Variants in PBRM1 observed in about 807,000 individuals in gnomAD.
PBRM1 encodes the protein polybromo 1, also known as protein polybromo-1.
In PBRM1, 27 loss-of-function variants were observed where a neutral mutation model predicts 194.5. The observed-to-expected ratio is 0.14, with a 90% CI of 0.10 to 0.19. The LOEUF (loss-of-function observed/expected upper bound fraction) is 0.19, where lower values mean the gene tolerates loss of function less well. Ranked by LOEUF, PBRM1 falls within the 10% of genes least tolerant of loss-of-function variation. The pLI is 1.00. For synonymous variants in PBRM1, 655 were observed against 693.2 expected (o/e 0.94, Z 0.87); for missense variants, 1,466 against 2,077.2 (o/e 0.71, Z 5.72).
intron 22 of PBRM1, among the ~76,000 whole-genome samples, chr3:52,576,057 A>AT (rs1461694531): frequency 3.3e-5 from 5 of 152,268 alleles, no homozygotes; most frequent in Non-Finnish European, 1.5e-5. Flanking sequence ...AGGAAAAAAA[A>AT]GGTAAAGAAA....
chr3:52,561,640 T>G (rs774151763), intron 25 of PBRM1, 127 bp downstream of exon 27: 1 of 827,842 alleles, frequency 1.2e-6, no homozygotes, highest in Admixed American at 1.8e-5. Context: ...TGGGTGCCAT[T>G]TGGAACAGTC....
intron 2 of PBRM1, among the ~76,000 whole-genome samples, chr3:52,675,816 T>C (rs1437839611): frequency 2.0e-5 from 3 of 151,906 alleles, no homozygotes; most frequent in East Asian, 1.9e-4. Flanking sequence ...GATACACACA[T>C]ATAAAGAATG....
chr3:52,675,042 G>A (rs982989491), intron 2 of PBRM1, among the ~76,000 whole-genome samples: 6 of 152,078 alleles, frequency 3.9e-5, no homozygotes, highest in African/African-American at 1.4e-4. Flanking sequence ...AAATCATAAA[G>A]AGGAGACATT....
chr3:52,677,722 G>A (rs926946277), intron 2 of PBRM1, among the ~76,000 whole-genome samples: 4 of 151,954 alleles, frequency 2.6e-5, no homozygotes, highest in African/African-American at 9.7e-5. Flanking sequence ...CTTGCACCTG[G>A]CTAATTTTTG....
chr3:52,672,479 GT>G (rs1201594534), intron 2 of PBRM1, among the ~76,000 whole-genome samples: 5 of 138,432 alleles, frequency 3.6e-5, no homozygotes, highest in African/African-American at 1.1e-4. Context: ...ATTTCCAGAG[GT>G]TTTTTTTTGG....
chr3:52,567,850 T>C (rs990470203), intron 22 of PBRM1, among the ~76,000 whole-genome samples: 2 of 148,754 alleles, frequency 1.3e-5, no homozygotes, highest in African/African-American at 5.0e-5. Context: ...GGTTTCACCA[T>C]GTTGGCCAGG....
downstream of PBRM1, chr3:52,546,740 A>G (rs1373502258): frequency 4.3e-6 from 1 of 233,004 alleles, no homozygotes; most frequent in African/African-American, 2.2e-5. Flanking sequence ...GCTGCCTTCA[A>G]ATGTTTATTG....
At chr3:52,684,165 C>A (rs2097266289), upstream of PBRM1, among the ~76,000 whole-genome samples, 1 of 43,208 alleles carries the variant, frequency 2.3e-5, no homozygotes, top group Non-Finnish European at 4.2e-5. Flanking sequence ...CAGACCTTGT[C>A]TCAAAAAAAA....
chr3:52,636,296 A>G, intron 10 of PBRM1, among the ~76,000 whole-genome samples: 1 of 152,196 alleles, frequency 6.6e-6, no homozygotes, highest in Admixed American at 6.6e-5. Flanking sequence ...CAAATCATAA[A>G]AACACCAAAG....
At chr3:52,649,959 A>T (rs1026469929) in intron 6 of PBRM1, among the ~76,000 whole-genome samples, 1 of 152,218 alleles carries the variant, frequency 6.6e-6, no homozygotes, top group African/African-American at 2.4e-5. Context: ...TAAAGATCTG[A>T]TTCAATTTCC....
chr3:52,635,556 A>T (rs1172044641), intron 10 of PBRM1, among the ~76,000 whole-genome samples: 1 of 152,060 alleles, frequency 6.6e-6, no homozygotes, highest in Non-Finnish European at 1.5e-5. Flanking sequence ...ACGGATGAAG[A>T]CTCCATCTCA....
chr3:52,685,566 G>A (rs1490450935), intron 1 of PBRM1, 183 bp downstream of exon 1: 1 of 151,230 alleles, frequency 6.6e-6, no homozygotes, highest in Non-Finnish European at 1.5e-5. Context: ...GTGCGACAAG[G>A]CTACTGGGCC....
At chr3:52,563,135 C>T (rs1288837135) in intron 24 of PBRM1, 148 bp downstream of exon 26, 4 of 492,454 alleles carry the variant, frequency 8.1e-6, no homozygotes, top group Non-Finnish European at 1.5e-5. Context: ...ATGAATAAAT[C>T]ATGGCACTGA....
At chr3:52,647,084 A>T (rs995595542) in intron 7 of PBRM1, among the ~76,000 whole-genome samples, 1 of 152,182 alleles carries the variant, frequency 6.6e-6, no homozygotes, top group Non-Finnish European at 1.5e-5. Flanking sequence ...CAATTAAAAA[A>T]TGGGCAAATG....
At chr3:52,661,370 T>C (rs1018574262) in intron 4 of PBRM1, among the ~76,000 whole-genome samples, 2 of 152,178 alleles carry the variant, frequency 1.3e-5, no homozygotes, top group African/African-American at 2.4e-5. Context: ...AGCACCTACA[T>C]GTCAGGTATA....
intron 5 of PBRM1, among the ~76,000 whole-genome samples, chr3:52,655,061 A>AT (rs778340845): frequency 2.6e-5 from 4 of 151,790 alleles, no homozygotes; most frequent in East Asian, 1.9e-4. Context: ...TTCTTTTATA[A>AT]TTTTTTTTAC....
At chr3:52,595,707 G>A (rs545354380) in intron 17 of PBRM1, among the ~76,000 whole-genome samples, 1 of 152,272 alleles carries the variant, frequency 6.6e-6, no homozygotes, top group African/African-American at 2.4e-5. Context: ...TGCTTTGGTT[G>A]CCTGTGCCTG....
At chr3:52,605,111 C>G (rs959627831) in intron 16 of PBRM1, among the ~76,000 whole-genome samples, 4 of 152,076 alleles carry the variant, frequency 2.6e-5, no homozygotes, top group African/African-American at 9.7e-5. Flanking sequence ...GTTTTTATTT[C>G]ATTTTATTTT....
At chr3:52,650,576 T>A (rs748705310) in intron 6 of PBRM1, among the ~76,000 whole-genome samples, 5 of 152,146 alleles carry the variant, frequency 3.3e-5, no homozygotes, top group African/African-American at 7.2e-5. Flanking sequence ...TGTAACACAC[T>A]GTTTTCCTTT....
Sources: allele counts gnomAD v4.1 joint callset (sites outside exome capture counted in the v4.1 genomes callset), GRCh38; gene constraint gnomAD v4.1.1; transcripts MANE v1.5; gene names NCBI Gene and HGNC (gene_info 2026-07-23, HGNC 2026-07-21).